Variants in SNTG2 observed in about 807,000 individuals in gnomAD.
The protein encoded by SNTG2 is syntrophin gamma 2.
In SNTG2, 74 loss-of-function variants were observed where a neutral mutation model predicts 70.9. The observed-to-expected ratio is 1.04, with a 90% CI of 0.86 to 1.27. The LOEUF is 1.27. Among genes scored for constraint, SNTG2 ranks in the 50% most tolerant of loss-of-function variants. The pLI is 0.00. For synonymous variants in SNTG2, 278 were observed against 273.8 expected (o/e 1.02, Z -0.15); for missense variants, 717 against 690.7 (o/e 1.04, Z -0.43).
intron 12 of SNTG2, among the ~76,000 whole-genome samples, chr2:1,251,764 CGCACACCACATCT>C (rs1039134915): frequency 2.7e-5 from 4 of 149,286 alleles, no homozygotes; most frequent in Non-Finnish European, 4.5e-5. Context: ...ACACACTACA[CGCACACCACATCT>C]GCACACCACT....
intron 16 of SNTG2, among the ~76,000 whole-genome samples, chr2:1,355,831 C>T (rs1660823554): frequency 6.6e-6 from 1 of 152,198 alleles, no homozygotes; most frequent in African/African-American, 2.4e-5. Flanking sequence ...CTTCTCCACA[C>T]CGTTGTCAAC....
chr2:989,985 C>T (rs1230351335), intron 1 of SNTG2, among the ~76,000 whole-genome samples: 2 of 152,244 alleles, frequency 1.3e-5, no homozygotes, highest in East Asian at 1.9e-4. Context: ...AGTCACGGCT[C>T]CGCTCTGTGT....
chr2:1,300,158 G>A (rs757322083), intron 14 of SNTG2, among the ~76,000 whole-genome samples: 42 of 150,882 alleles, frequency 2.8e-4, no homozygotes, highest in African/African-American at 5.6e-4. Context: ...TACCATCGCC[G>A]CTCTGAAGGG....
intron 1 of SNTG2, among the ~76,000 whole-genome samples, chr2:1,071,460 A>C (rs1364009169): frequency 1.5e-5 from 2 of 136,472 alleles, no homozygotes; most frequent in Admixed American, 1.6e-4. Flanking sequence ...ATGAGATCAC[A>C]TGGACACAGG....
chr2:1,365,447 A>G (rs536345311), intron 16 of SNTG2, among the ~76,000 whole-genome samples: 3 of 152,316 alleles, frequency 2.0e-5, no homozygotes, highest in African/African-American at 7.2e-5. Flanking sequence ...AGGAAAGATG[A>G]AGCCTTTGGT....
At chr2:1,281,190 T>C (rs1036718300) in intron 14 of SNTG2, among the ~76,000 whole-genome samples, 5 of 148,802 alleles carry the variant, frequency 3.4e-5, no homozygotes, top group African/African-American at 1.3e-4. Context: ...TCTGTGGTGG[T>C]GTGTGTATGT....
intron 1 of SNTG2, among the ~76,000 whole-genome samples, chr2:1,068,911 G>T (rs578133342): frequency 6.6e-6 from 1 of 152,344 alleles, no homozygotes; most frequent in African/African-American, 2.4e-5. Flanking sequence ...CTTTGTCTTT[G>T]CCATGGTAGG....
intron 1 of SNTG2, among the ~76,000 whole-genome samples, chr2:1,076,560 T>C (rs1211443733): frequency 6.6e-6 from 1 of 152,244 alleles, no homozygotes; most frequent in Non-Finnish European, 1.5e-5. Flanking sequence ...TTATGTCAAG[T>C]ATATTCTGTT....
intron 16 of SNTG2, among the ~76,000 whole-genome samples, chr2:1,325,861 TCTCA>T (rs1681736201): frequency 6.6e-6 from 1 of 151,308 alleles, no homozygotes; most frequent in Admixed American, 6.6e-5. Flanking sequence ...TGAGATGGAG[TCTCA>T]CTCTGTCACC....
intron 1 of SNTG2, among the ~76,000 whole-genome samples, chr2:1,067,135 CA>C (rs35467522): frequency 2.2e-3 from 296 of 132,684 alleles, no homozygotes; most frequent in Middle Eastern, 0.012. Context: ...AAGTCACTAG[CA>C]AAAAAAAAAA....
chr2:1,263,611 C>T (rs796168777), intron 13 of SNTG2, among the ~76,000 whole-genome samples: 5 of 152,142 alleles, frequency 3.3e-5, no homozygotes, highest in African/African-American at 1.2e-4. Flanking sequence ...TGGATATTGC[C>T]AGAGCTGACC....
At chr2:1,016,533 G>T (rs548611472) in intron 1 of SNTG2, among the ~76,000 whole-genome samples, 1 of 144,898 alleles carries the variant, frequency 6.9e-6, no homozygotes. Context: ...GAGCCACCAC[G>T]CCCGGCCGAC....
At chr2:986,904 G>C (rs1661342334) in intron 1 of SNTG2, among the ~76,000 whole-genome samples, 1 of 152,162 alleles carries the variant, frequency 6.6e-6, no homozygotes, top group Non-Finnish European at 1.5e-5. Context: ...ATTCTCAATA[G>C]CTTTTTAGAT....
intron 14 of SNTG2, among the ~76,000 whole-genome samples, chr2:1,272,704 TGCAGAAAGGACAC>T (rs1679097283): frequency 2.7e-5 from 3 of 110,794 alleles, no homozygotes; most frequent in African/African-American, 1.1e-4. Context: ...AGGGAGCGGG[TGCAGAAAGGACAC>T]CCCAGGGAGC....
At chr2:1,056,263 AGGGAGGGAGGGAGAGGCCGCGCCGTGCTG>A (rs1384174641) in intron 1 of SNTG2, among the ~76,000 whole-genome samples, 1 of 31,438 alleles carries the variant, frequency 3.2e-5, no homozygotes, top group African/African-American at 1.5e-4. Context: ...TGCTGTGGGG[AGGGAGGGAGGGAGAGGCCGCGCCGTGCTG>A]TGGGGAGGGA....
At chr2:1,144,699 C>T (rs1668985405) in intron 6 of SNTG2, among the ~76,000 whole-genome samples, 2 of 152,180 alleles carry the variant, frequency 1.3e-5, no homozygotes, top group Non-Finnish European at 2.9e-5. Context: ...CCTTATAAAA[C>T]TGTCAGATCT....
At chr2:1,185,271 T>G (rs189080919) in intron 8 of SNTG2, among the ~76,000 whole-genome samples, 9 of 152,222 alleles carry the variant, frequency 5.9e-5, no homozygotes, top group Non-Finnish European at 1.2e-4. Context: ...TCTCAAAGAC[T>G]GGCGTTGAGT....
At chr2:1,034,345 C>T (rs1314528533) in intron 1 of SNTG2, among the ~76,000 whole-genome samples, 1 of 152,184 alleles carries the variant, frequency 6.6e-6, no homozygotes, top group Non-Finnish European at 1.5e-5. Flanking sequence ...TTTCTTTATC[C>T]AATCTACCAC....
chr2:1,337,312 GA>G (rs1659866364), intron 16 of SNTG2, among the ~76,000 whole-genome samples: 1 of 152,218 alleles, frequency 6.6e-6, no homozygotes, highest in Middle Eastern at 3.4e-3. Flanking sequence ...ACCAACAAAG[GA>G]AATTGGAATG....
Sources: gnomAD v4.1 joint callset for allele counts (sites outside exome capture counted in the v4.1 genomes callset) on GRCh38, gnomAD v4.1.1 for gene constraint, MANE v1.5 for transcripts, NCBI Gene and HGNC (gene_info 2026-07-23, HGNC 2026-07-21) for gene names.